GNA14: variants seen among roughly 807,000 people sequenced by gnomAD.
GNA14 encodes guanine nucleotide-binding protein subunit alpha-14.
In GNA14, 50 loss-of-function variants were observed where a neutral mutation model predicts 42.0. That is an observed-to-expected ratio of 1.19 (90% CI 0.95 to 1.51). The LOEUF (loss-of-function observed/expected upper bound fraction) is 1.51. GNA14 is among the 40% of genes most tolerant of loss of function. The pLI, the probability that GNA14 is intolerant of heterozygous loss-of-function variation, is 0.00. For missense variants in GNA14, 473 were observed against 446.2 expected (o/e 1.06, Z -0.54); for synonymous variants, 173 against 163.1 (o/e 1.06, Z -0.46).
At chr9:77,487,436 A>C (rs899605298) in intron 2 of GNA14, among the ~76,000 whole-genome samples, 2 of 152,228 alleles carry the variant, frequency 1.3e-5, no homozygotes, top group Admixed American at 6.5e-5. Flanking sequence ...TAACTAGTCA[A>C]TTGACATTTT....
At chr9:77,491,576 A>G (rs1836776193) in intron 2 of GNA14, among the ~76,000 whole-genome samples, 1 of 152,264 alleles carries the variant, frequency 6.6e-6, no homozygotes, top group South Asian at 2.1e-4. Context: ...AATTAATTAC[A>G]TAATGATAAA....
chr9:77,495,789 A>G (rs1005085911), intron 2 of GNA14, among the ~76,000 whole-genome samples: 1 of 152,228 alleles, frequency 6.6e-6, no homozygotes, highest in Non-Finnish European at 1.5e-5. Context: ...AAAAGTGTAT[A>G]CTAAGGGCTT....
At chr9:77,574,988 C>G (rs1823107216) in intron 1 of GNA14, among the ~76,000 whole-genome samples, 1 of 152,168 alleles carries the variant, frequency 6.6e-6, no homozygotes, top group Non-Finnish European at 1.5e-5. Context: ...CAGATGTCTA[C>G]CCTGTAGGGG....
chr9:77,624,237 A>G (rs905705561), intron 1 of GNA14, among the ~76,000 whole-genome samples: 1 of 152,214 alleles, frequency 6.6e-6, no homozygotes, highest in African/African-American at 2.4e-5. Flanking sequence ...CTCTCTGGAC[A>G]GGGCATCTCT....
At chr9:77,428,384 A>G (rs1038445266) in intron 5 of GNA14, among the ~76,000 whole-genome samples, 28 of 152,234 alleles carry the variant, frequency 1.8e-4, no homozygotes, top group African/African-American at 6.7e-4. Flanking sequence ...CAGCCAAGAG[A>G]TGGCATTTTT....
chr9:77,597,328 C>A (rs1337301115), intron 1 of GNA14, among the ~76,000 whole-genome samples: 3 of 152,118 alleles, frequency 2.0e-5, no homozygotes, highest in East Asian at 1.9e-4. Flanking sequence ...CCATGTAAAA[C>A]CCTTTTCGTC....
intron 2 of GNA14, among the ~76,000 whole-genome samples, chr9:77,515,191 C>A (rs1019026496): frequency 5.9e-5 from 9 of 152,182 alleles, no homozygotes; most frequent in Admixed American, 5.2e-4. Flanking sequence ...AGGCTTTTGG[C>A]AAACTGGCCT....
chr9:77,517,263 G>A (rs1288453314), intron 2 of GNA14, among the ~76,000 whole-genome samples: 2 of 152,098 alleles, frequency 1.3e-5, no homozygotes, highest in African/African-American at 2.4e-5. Context: ...AGGAGATGCG[G>A]ATGCCCACGT....
chr9:77,613,445 T>C (rs181533079), intron 1 of GNA14, among the ~76,000 whole-genome samples: 6 of 152,328 alleles, frequency 3.9e-5, no homozygotes, highest in East Asian at 1.9e-4. Flanking sequence ...TTATGCAAGA[T>C]AAATAAATTC....
At chr9:77,565,301 A>T (rs1040920443) in intron 1 of GNA14, among the ~76,000 whole-genome samples, 5 of 152,220 alleles carry the variant, frequency 3.3e-5, no homozygotes, top group African/African-American at 1.2e-4. Flanking sequence ...TGTAAAATAC[A>T]GACCAGATTT....
chr9:77,611,298 C>A (rs1448262081), intron 1 of GNA14, among the ~76,000 whole-genome samples: 1 of 152,174 alleles, frequency 6.6e-6, no homozygotes. Context: ...ATATTTGCAT[C>A]AGTTCTCCTG....
chr9:77,457,701 T>C (rs903456827), intron 2 of GNA14, among the ~76,000 whole-genome samples: 4 of 152,184 alleles, frequency 2.6e-5, no homozygotes, highest in Admixed American at 6.5e-5. Context: ...ATCCGGGCTA[T>C]AGACACCCTC....
rs950555174 is a variant in GNA14, at chr9:77,429,119, C to T, written c.594-83G>A. The T allele has an allele frequency of 1.2e-5, 16 of 1,363,418 alleles. No homozygotes were observed. In the Admixed American group the frequency reaches 2.7e-4, roughly 23 times the overall value. The allele number at this position is 1,363,418 out of a possible 1,614,324, so 84.5% of individuals were successfully genotyped here. On this transcript the variant is annotated intron_variant, in intron 4 of 6. Transcript: ENST00000341700. ...AAGGACATGAATTATAGCATGGAAACCAGTGCTCTTGGAGTCCTCAGTAAT... is the reference window on the plus strand; with the variant it reads ...AAGGACATGAATTATAGCATGGAAATCAGTGCTCTTGGAGTCCTCAGTAAT...
intron 2 of GNA14, among the ~76,000 whole-genome samples, chr9:77,528,398 T>A (rs1837475207): frequency 6.6e-6 from 1 of 152,178 alleles, no homozygotes; most frequent in African/African-American, 2.4e-5. Context: ...TCCTCTGGAT[T>A]TGCATTCCAA....
At chr9:77,438,063 C>T (rs1835667555) in intron 2 of GNA14, among the ~76,000 whole-genome samples, 1 of 152,088 alleles carries the variant, frequency 6.6e-6, no homozygotes, top group Non-Finnish European at 1.5e-5. Flanking sequence ...TCTCAGGTCA[C>T]CGGGAGACCT....
intron 1 of GNA14, among the ~76,000 whole-genome samples, chr9:77,576,682 A>G (rs1369891151): frequency 6.6e-6 from 1 of 152,090 alleles, no homozygotes; most frequent in African/African-American, 2.4e-5. Flanking sequence ...TCAGTAATTT[A>G]TTATTTTAGG....
chr9:77,519,326 AC>A (rs1265524689), intron 2 of GNA14, among the ~76,000 whole-genome samples: 1 of 151,956 alleles, frequency 6.6e-6, no homozygotes, highest in Non-Finnish European at 1.5e-5. Context: ...CAGTAGAATC[AC>A]TTGAACCTGG....
In GNA14 at chr9:77,441,750, A is replaced by T. The variant is rs1223128914; in HGVS notation, c.310-7228T>A. Among the ~76,000 whole-genome samples the T allele has an allele frequency of 2.6e-5, 4 of 152,202 alleles. No individual in the cohort carries two copies. In the East Asian group the frequency reaches 7.7e-4, roughly 29 times the overall value. ...ATATGAGAACTCTTTGTAGCATAGT[A>T]TTTCCAACTTCTGTAAAATCACCCC... On this transcript the variant is annotated intron_variant, in intron 2 of 6. Coordinates refer to ENST00000341700, the MANE Select transcript of GNA14 (RefSeq NM_004297.4).
intron 1 of GNA14, among the ~76,000 whole-genome samples, chr9:77,578,071 T>A (rs1198336670): frequency 6.8e-6 from 1 of 146,822 alleles, no homozygotes; most frequent in Non-Finnish European, 1.5e-5. Context: ...ATCGAGACCA[T>A]CCTAGCCAAC....
Sources: gnomAD v4.1 joint callset for allele counts (sites outside exome capture counted in the v4.1 genomes callset) on GRCh38, gnomAD v4.1.1 for gene constraint, MANE v1.5 for transcripts, NCBI Gene and HGNC (gene_info 2026-07-23, HGNC 2026-07-21) for gene names.